The following PLEKHA6 variants were observed in gnomAD, a reference collection of about 807,000 sequenced individuals.
The protein encoded by PLEKHA6 is pleckstrin homology domain containing A6, also known as pleckstrin homology domain-containing family A member 6.
PLEKHA6 carries 60 observed loss-of-function variants against 116.7 expected under a neutral mutation model. That is an observed-to-expected ratio of 0.51 (90% CI 0.42 to 0.64). PLEKHA6 has a LOEUF of 0.64. Among genes scored for constraint, PLEKHA6 ranks in the 30% least tolerant of loss-of-function variants. The pLI is 0.00. For synonymous variants in PLEKHA6, 489 were observed against 556.1 expected (o/e 0.88, Z 1.70); for missense variants, 1,338 against 1,422.7 (o/e 0.94, Z 0.96).
chr1:204,276,800 C>G (rs569418103), intron 1 of PLEKHA6, among the ~76,000 whole-genome samples: 1 of 152,134 alleles, frequency 6.6e-6, no homozygotes, highest in African/African-American at 2.4e-5. Flanking sequence ...CATTCTATCC[C>G]GGCACTACCA....
At chr1:204,250,744 C>T (rs921630706) in intron 9 of PLEKHA6, 130 bp from the exon 10 acceptor site, 5 of 730,226 alleles carry the variant, frequency 6.8e-6, no homozygotes, top group Non-Finnish European at 1.2e-5. Flanking sequence ...AGCTTCTGTT[C>T]CAGGGACCTG....
rs147767783 is a variant in PLEKHA6, at chr1:204,330,713, G to A, written c.-95+28981C>T. 4.6e-4 allele frequency among the ~76,000 whole-genome samples: 70 copies of A among 152,270 alleles called. No homozygotes were observed. In the East Asian group the frequency reaches 8.5e-3, roughly 18 times the overall value. ...CCCCTCAGAGCCTTTGACAGAGGTA[G>A]AGCCAGTGCTACCGAAGAGGAAGCA... is the stretch of plus-strand genomic sequence containing the variant. On this transcript the variant is annotated intron_variant, in intron 1 of 22. Coordinates refer to ENST00000272203, the MANE Select transcript of PLEKHA6 (RefSeq NM_014935.5).
chr1:204,366,251 T>C (rs1162085579), intron 3 of PLEKHA6, among the ~76,000 whole-genome samples: 1 of 152,318 alleles, frequency 6.6e-6, no homozygotes, highest in African/African-American at 2.4e-5. Flanking sequence ...AATTCTTAAC[T>C]GAAGCAAGAA....
At chr1:204,291,116 G>C (rs1325069115) in intron 1 of PLEKHA6, among the ~76,000 whole-genome samples, 3 of 151,902 alleles carry the variant, frequency 2.0e-5, no homozygotes, top group Non-Finnish European at 4.4e-5. Flanking sequence ...TCACAACTTA[G>C]TATTAAGATA....
chr1:204,268,056 C>A (rs1462429566), intron 4 of PLEKHA6, 152 bp downstream of exon 4: 1 of 544,618 alleles, frequency 1.8e-6, no homozygotes, highest in Non-Finnish European at 3.2e-6. Context: ...TACTCAGTTT[C>A]TCTGAGCCTT....
chr1:204,241,925 C>G lies in PLEKHA6; in HGVS notation c.2173-111G>C, dbSNP rs1662879808. On this transcript the variant is annotated intron_variant, in intron 15 of 22. Transcript: ENST00000272203. The stretch of plus-strand genomic sequence containing the variant: ...GTTGAAGCTCAAACCCTTGCAGATA[C>G]AAGGAACAAGGAAATTCTATGTGTG... 6 of 1,175,408 alleles carry G rather than the reference C, an allele frequency of 5.1e-6. No homozygotes were observed. In the South Asian group the frequency reaches 7.6e-5, roughly 15 times the overall value. 72.8% of individuals were successfully genotyped at this position (1,175,408 alleles called of 1,614,324 possible). A position where few individuals can be genotyped will look rare whatever the true frequency, so the allele number is the denominator to read the frequency against.
intron 1 of PLEKHA6, chr1:204,297,943 C>A: frequency 1.0e-6 from 1 of 974,354 alleles, no homozygotes; most frequent in South Asian, 4.8e-5. Flanking sequence ...TCCCCCTACT[C>A]CTCATATCTC....
chr1:204,359,637 C>T (rs1572230392), intron 1 of PLEKHA6, 57 bp downstream of exon 1: 1 of 985,498 alleles, frequency 1.0e-6, no homozygotes, highest in Non-Finnish European at 1.2e-6. Context: ...CAGCCCTGAC[C>T]AGAGCCCAGC....
intron 1 of PLEKHA6, among the ~76,000 whole-genome samples, chr1:204,293,907 G>C (rs4073193): frequency 0.21 from 31,746 of 152,148 alleles, 3,715 homozygotes; most frequent in South Asian, 0.29. Flanking sequence ...TGAGAGGAAA[G>C]AGACATGATC....
At chr1:204,260,640 C>G (rs562092142) in intron 7 of PLEKHA6, among the ~76,000 whole-genome samples, 1 of 152,142 alleles carries the variant, frequency 6.6e-6, no homozygotes, top group Admixed American at 6.5e-5. Flanking sequence ...GTAAACATTT[C>G]TAAGATATGT....
chr1:204,327,792 C>G (rs1672294225), intron 1 of PLEKHA6, among the ~76,000 whole-genome samples: 2 of 152,348 alleles, frequency 1.3e-5, no homozygotes, highest in Non-Finnish European at 1.5e-5. Flanking sequence ...AAGTATAAGC[C>G]AAACCCCAAT....
In PLEKHA6 at chr1:204,249,332, C is replaced by T. The variant is rs1571874402; in HGVS notation, c.1594-68G>A. 3.4e-6 allele frequency: 4 copies of T among 1,168,608 alleles called. No individual in the cohort carries two copies. The South Asian group carries it at 4.9e-5, about 14-fold the overall frequency. 72.4% of individuals were successfully genotyped at this position (1,168,608 alleles called of 1,614,324 possible). Reference sequence around the variant, plus strand: ...GATGAAGGACATAGTTTGATGGGGACCTGGGAGTTATAGGCCTGGCCTCTG... The same window carrying T: ...GATGAAGGACATAGTTTGATGGGGATCTGGGAGTTATAGGCCTGGCCTCTG... On this transcript the variant is annotated intron_variant, in intron 10 of 22. Transcript: ENST00000272203.
At chr1:204,363,017 G>A (rs1673590671), upstream of PLEKHA6, among the ~76,000 whole-genome samples, 1 of 152,184 alleles carries the variant, frequency 6.6e-6, no homozygotes. Flanking sequence ...ACTGTTCTGG[G>A]GTGTTATCTG....
rs1659776881 is a variant in PLEKHA6, at chr1:204,222,689, G to A, written c.*99C>T. 6.5e-6 allele frequency: 1 copy of A among 152,798 alleles called. No homozygotes were observed. Among genetic ancestry groups the A allele is most frequent in the Non-Finnish European group, 1.5e-5 (1 of 68,146 alleles). 9.5% of individuals were successfully genotyped at this position (152,798 alleles called of 1,614,324 possible). ...TGGGAGTGCAGGGGCAGGGGGCCAG[G>A]GTGGGGAGCCAGGACCTCAGGTGGG... On this transcript the variant is annotated 3_prime_UTR_variant, in exon 23 of 23. Coordinates refer to ENST00000272203, the MANE Select transcript of PLEKHA6 (RefSeq NM_014935.5).
At chr1:204,323,629 T>A (rs1262366052) in intron 1 of PLEKHA6, among the ~76,000 whole-genome samples, 1 of 152,334 alleles carries the variant, frequency 6.6e-6, no homozygotes, top group African/African-American at 2.4e-5. Context: ...TTCAACAAGG[T>A]TGTACTTGTA....
At chr1:204,348,822 C>T (rs1346117613) in intron 1 of PLEKHA6, among the ~76,000 whole-genome samples, 1 of 151,160 alleles carries the variant, frequency 6.6e-6, no homozygotes, top group African/African-American at 2.4e-5. Context: ...GGGAGATAGA[C>T]AATGAGAAAC....
At chr1:204,240,529 A>T (rs984167914) in intron 17 of PLEKHA6, among the ~76,000 whole-genome samples, 8 of 152,170 alleles carry the variant, frequency 5.3e-5, no homozygotes, top group African/African-American at 1.4e-4. Flanking sequence ...CTTTTCCTTT[A>T]TCATATGACA....
Position 204,286,532 on chromosome 1 carries a change from G to T in PLEKHA6, c.-94-11723C>A, listed in dbSNP as rs372595424. ...CAGGTGAGCCTGCCTACACCTGTTG[G>T]AGTATATGAGCAACTATTCTGCACC... On this transcript the variant is annotated intron_variant, in intron 1 of 22. Coordinates refer to ENST00000272203, the MANE Select transcript of PLEKHA6 (RefSeq NM_014935.5). Among the ~76,000 whole-genome samples, 25 of 152,306 alleles carry T rather than the reference G, an allele frequency of 1.6e-4. 1 individual carries two copies. In the East Asian group the frequency reaches 3.7e-3, roughly 22 times the overall value.
chr1:204,245,697 CT>C lies in PLEKHA6; in HGVS notation c.1949del (p.Lys650ArgfsTer9). On this transcript the variant is annotated frameshift_variant, in exon 14 of 23. Coordinates refer to ENST00000272203, the MANE Select transcript of PLEKHA6 (RefSeq NM_014935.5). LOFTEE classifies it high-confidence loss of function. ...TCACGTCCTGGATCCTCCAGATCTCCTTTTGGATTTGCCGGTTCAGCACCTC... is the reference window on the plus strand; with the variant it reads ...TCACGTCCTGGATCCTCCAGATCTCCTTTGGATTTGCCGGTTCAGCACCTC... The part of the protein sequence containing the change: ...QNEVLNRQIQ[K>X]EIWRIQDVME... 1 of 1,613,640 alleles carries C rather than the reference CT, an allele frequency of 6.2e-7. No individual in the cohort carries two copies. The highest frequency in any genetic ancestry group is 8.5e-7 in the Non-Finnish European group (1 of 1,179,764).
Sources: gnomAD v4.1 joint callset for allele counts (sites outside exome capture counted in the v4.1 genomes callset) on GRCh38, gnomAD v4.1.1 for gene constraint, MANE v1.5 for transcripts, NCBI Gene and HGNC (gene_info 2026-07-23, HGNC 2026-07-21) for gene names.